NEMP1: variants seen among roughly 807,000 people sequenced by gnomAD.
NEMP1 encodes the protein nuclear envelope integral membrane protein 1.
NEMP1 carries 29 observed loss-of-function variants against 53.7 expected under a neutral mutation model. That is an observed-to-expected ratio of 0.54 (90% CI 0.40 to 0.74). The LOEUF is 0.74. Ranked by LOEUF, NEMP1 falls within the 30% of genes least tolerant of loss-of-function variation. NEMP1 has a pLI of 0.00. For synonymous variants in NEMP1, 193 were observed against 192.9 expected (o/e 1.00, Z 0.00); for missense variants, 477 against 528.6 (o/e 0.90, Z 0.96).
intron 1 of NEMP1, among the ~76,000 whole-genome samples, chr12:57,087,571 C>G (rs1243378506): frequency 6.6e-6 from 1 of 151,982 alleles, no homozygotes; most frequent in Admixed American, 6.5e-5. Context: ...GTTCCCACCA[C>G]CCCCACTGTG....
intron 8 of NEMP1, 99 bp from the exon 9 acceptor site, chr12:57,060,158 C>T (rs2031732164): frequency 9.1e-7 from 1 of 1,095,982 alleles, no homozygotes; most frequent in African/African-American, 1.6e-5. Flanking sequence ...ATGCTCGCAA[C>T]TCAAATTATA....
upstream of NEMP1, among the ~76,000 whole-genome samples, chr12:57,080,314 C>A (rs1237085690): frequency 6.6e-6 from 1 of 152,114 alleles, no homozygotes; most frequent in African/African-American, 2.4e-5. Context: ...CATGGTGGCT[C>A]AGGTCTGTAA....
At chr12:57,074,044 T>C (rs540390848) in intron 1 of NEMP1, among the ~76,000 whole-genome samples, 4 of 151,950 alleles carry the variant, frequency 2.6e-5, no homozygotes, top group African/African-American at 7.3e-5. Flanking sequence ...TCATAGCTCA[T>C]TGCAGCCTCA....
chr12:57,088,231 A>C (rs2033073648), upstream of NEMP1, among the ~76,000 whole-genome samples: 1 of 152,188 alleles, frequency 6.6e-6, no homozygotes, highest in South Asian at 2.1e-4. Flanking sequence ...CGCTGACAAA[A>C]GCCGACGCGT....
chr12:57,077,094 A>AG (rs1222862919), intron 1 of NEMP1, among the ~76,000 whole-genome samples: 1 of 152,138 alleles, frequency 6.6e-6, no homozygotes, highest in Admixed American at 6.5e-5. Context: ...GCACTTTGGG[A>AG]GGCCGAGGCG....
chr12:57,071,703 T>C (rs546139483), intron 2 of NEMP1, among the ~76,000 whole-genome samples: 22 of 152,172 alleles, frequency 1.4e-4, no homozygotes, highest in Non-Finnish European at 2.2e-4. Context: ...TTTAAAGAAT[T>C]TTTTTTAAAA....
intron 1 of NEMP1, among the ~76,000 whole-genome samples, chr12:57,076,255 G>T (rs914634952): frequency 2.6e-5 from 4 of 152,166 alleles, no homozygotes; most frequent in Non-Finnish European, 5.9e-5. Flanking sequence ...CCAGGCAGAT[G>T]GCACGTGCCT....
upstream of NEMP1, among the ~76,000 whole-genome samples, chr12:57,081,778 G>T (rs2032853949): frequency 6.6e-6 from 1 of 150,896 alleles, no homozygotes; most frequent in African/African-American, 2.4e-5. Context: ...GTGGTGGCAG[G>T]TACCTGTAGT....
chr12:57,072,706 G>A lies in NEMP1; in HGVS notation c.252+82C>T, dbSNP rs2032409151. ...CAACATTTTTTTTAAGCATGTGAAG[G>A]GGAAGAAAGTGTCAAAATACTCACT... On this transcript the variant is annotated intron_variant, in intron 2 of 8. Transcript: ENST00000300128. The A allele has an allele frequency of 4.2e-6, 6 of 1,415,668 alleles. No homozygotes were observed. The South Asian group carries it at 8.1e-5, about 19-fold the overall frequency. The allele number at this position is 1,415,668 out of a possible 1,614,324, so 87.7% of individuals were successfully genotyped here.
intron 1 of NEMP1, among the ~76,000 whole-genome samples, chr12:57,085,919 G>A (rs2032976862): frequency 1.3e-5 from 2 of 152,218 alleles, no homozygotes; most frequent in African/African-American, 2.4e-5. Flanking sequence ...CTGTGAATAG[G>A]ATCAATTTAT....
At chr12:57,061,144 G>C (rs1592497860) in intron 7 of NEMP1, among the ~76,000 whole-genome samples, 199 bp from the exon 8 acceptor site, 2 of 151,982 alleles carry the variant, frequency 1.3e-5, no homozygotes, top group African/African-American at 4.8e-5. Flanking sequence ...ATAGGCGACA[G>C]AGCGAGACTC....
rs530042287 is a variant in NEMP1 at position 57,069,172 on chromosome 12, T to C, written c.545+62A>G. The C allele has an allele frequency of 7.4e-4, 896 of 1,208,428 alleles. No homozygotes were observed. The highest frequency in any genetic ancestry group is 9.0e-4 in the Non-Finnish European group (785 of 876,946). The allele number at this position is 1,208,428 out of a possible 1,614,324, so 74.9% of individuals were successfully genotyped here. ...GGGAATGGCAGTACTTAATAGTTAC[T>C]ATAAAACGCAGGCAGGATAGGTATG... On this transcript the variant is annotated intron_variant, in intron 4 of 8. Transcript: ENST00000300128.
chr12:57,070,747 T>C lies in NEMP1; in HGVS notation c.399A>G (p.Leu133=), dbSNP rs780833808. The change falls in exon 3 of 9, where the codon CTA becomes CTG. Residue 133 remains leucine (L), a synonymous_variant. Coordinates refer to ENST00000300128, the MANE Select transcript of NEMP1 (RefSeq NM_001130963.2). ...CTTTGAGGCAGGTTTTTGTGCTGTATAGACCCACGTTAACATAGGTGTCAT... is the reference window on the plus strand; with the variant it reads ...CTTTGAGGCAGGTTTTTGTGCTGTACAGACCCACGTTAACATAGGTGTCAT... ...KLNDTYVNVG[L]YSTKTCLKVE... The C allele has an allele frequency of 4.3e-5, 68 of 1,590,832 alleles. 1 individual carries two copies. In the South Asian group the frequency reaches 7.5e-4, roughly 18 times the overall value.
rs1299273493 is a variant in NEMP1 at position 57,064,756 on chromosome 12, T to G, written c.546-17A>C. The G allele has an allele frequency of 1.7e-5, 27 of 1,579,814 alleles. No individual in the cohort carries two copies. The highest frequency in any genetic ancestry group is 2.2e-5 in the Non-Finnish European group (25 of 1,150,920). ...ATTTGACTTCTGCAGGAAAAAAATG[T>G]ATTTCATGACCATATGTATATATTT... On this transcript the variant is annotated splice_polypyrimidine_tract_variant and intron_variant, in intron 4 of 8. Transcript: ENST00000300128.
intron 1 of NEMP1, among the ~76,000 whole-genome samples, chr12:57,074,794 T>A (rs992835579): frequency 2.0e-5 from 3 of 152,190 alleles, no homozygotes; most frequent in Non-Finnish European, 4.4e-5. Flanking sequence ...GATTTAAAAG[T>A]GACCACTGTC....
At chr12:57,086,302 C>T (rs1363392573) in intron 1 of NEMP1, among the ~76,000 whole-genome samples, 2 of 152,172 alleles carry the variant, frequency 1.3e-5, no homozygotes, top group Non-Finnish European at 2.9e-5. Context: ...TACTGTTTCC[C>T]TTCACGGAGG....
At chr12:57,077,354 C>T (rs893512491) in intron 1 of NEMP1, among the ~76,000 whole-genome samples, 13 of 150,630 alleles carry the variant, frequency 8.6e-5, no homozygotes, top group Non-Finnish European at 1.5e-4. Flanking sequence ...AAAAATTAGC[C>T]GGGCGTGGTG....
At chr12:57,078,186 C>T (rs2032721782) in intron 1 of NEMP1, among the ~76,000 whole-genome samples, 1 of 152,168 alleles carries the variant, frequency 6.6e-6, no homozygotes, top group Non-Finnish European at 1.5e-5. Flanking sequence ...GCCCTGCGTC[C>T]TGACAGAGCA....
At position 57,058,209 on chromosome 12, in the gene NEMP1, G is replaced by C. The variant is rs2031622691; in HGVS notation, c.*1670C>G. 1 of 152,208 alleles carries C rather than the reference G, an allele frequency of 6.6e-6. No homozygotes were observed. Among genetic ancestry groups the C allele is most frequent in the African/African-American group, 2.4e-5 (1 of 41,426 alleles). 9.4% of individuals were successfully genotyped at this position (152,208 alleles called of 1,614,324 possible). On this transcript the variant is annotated 3_prime_UTR_variant, in exon 9 of 9. Transcript: ENST00000300128. ...CAGTTTAAGGCTCTGGAAAACACTG[G>C]TGGAAATAATCAACTGCCCACCTGG... is the stretch of plus-strand genomic sequence containing the variant.
Sources: gnomAD v4.1 joint callset for allele counts (sites outside exome capture counted in the v4.1 genomes callset) on GRCh38, gnomAD v4.1.1 for gene constraint, MANE v1.5 for transcripts, NCBI Gene and HGNC (gene_info 2026-07-23, HGNC 2026-07-21) for gene names.